Variants in HIPK2 observed in about 807,000 individuals in gnomAD.
The protein encoded by HIPK2 is homeodomain interacting protein kinase 2.
HIPK2 carries 27 observed loss-of-function variants against 113.7 expected under a neutral mutation model. That is an observed-to-expected ratio of 0.24 (90% confidence interval 0.17 to 0.33). HIPK2 has a LOEUF of 0.33. Ranked by LOEUF, HIPK2 falls within the 10% of genes least tolerant of loss-of-function variation. The pLI is 1.00. For missense variants in HIPK2, 1,257 were observed against 1,588.0 expected, an observed-to-expected ratio of 0.79 and a Z score of 3.54; for synonymous variants, 631 against 642.2, an observed-to-expected ratio of 0.98 and a Z score of 0.26.
chr7:139,666,413 C>G (rs995650683), intron 2 of HIPK2, among the ~76,000 whole-genome samples: 3 of 152,188 alleles, frequency 2.0e-5, no homozygotes, highest in Admixed American at 1.3e-4. Context: ...CAAGGGTCCT[C>G]TGGTTCTTCT....
intron 2 of HIPK2, among the ~76,000 whole-genome samples, chr7:139,639,730 C>T (rs1041081946): frequency 6.6e-6 from 1 of 151,052 alleles, no homozygotes; most frequent in African/African-American, 2.5e-5. Context: ...GCCTAGCACG[C>T]AGCCTGGGCA....
At chr7:139,663,466 T>C (rs184950160) in intron 2 of HIPK2, among the ~76,000 whole-genome samples, 83 of 152,302 alleles carry the variant, frequency 5.4e-4, no homozygotes, top group Non-Finnish European at 1.1e-3. Context: ...CGTTCGGATA[T>C]GACACTATAC....
At chr7:139,742,794 G>A (rs1057022099) in intron 1 of HIPK2, among the ~76,000 whole-genome samples, 1 of 152,212 alleles carries the variant, frequency 6.6e-6, no homozygotes, top group African/African-American at 2.4e-5. Context: ...TGCACATCTA[G>A]GGGTATCTTC....
At chr7:139,754,177 G>A (rs1321218151) in intron 1 of HIPK2, among the ~76,000 whole-genome samples, 1 of 152,190 alleles carries the variant, frequency 6.6e-6, no homozygotes, top group Admixed American at 6.5e-5. Flanking sequence ...GAATGGGAGG[G>A]CTAGAAAGAG....
chr7:139,651,778 C>A (rs953667717), intron 2 of HIPK2, among the ~76,000 whole-genome samples: 31 of 152,190 alleles, frequency 2.0e-4, no homozygotes, highest in African/African-American at 7.2e-4. Context: ...TTAGAACTTA[C>A]AAGGAATGTA....
At chr7:139,761,714 T>A (rs893898578) in intron 1 of HIPK2, among the ~76,000 whole-genome samples, 4 of 152,194 alleles carry the variant, frequency 2.6e-5, no homozygotes, top group Non-Finnish European at 4.4e-5. Flanking sequence ...GATGGTGATT[T>A]CGACAAACCA....
intron 1 of HIPK2, among the ~76,000 whole-genome samples, chr7:139,738,872 C>T (rs765780112): frequency 4.9e-4 from 74 of 152,170 alleles, no homozygotes; most frequent in Non-Finnish European, 9.0e-4. Flanking sequence ...AACTCATTTC[C>T]GGGCAGGGAA....
rs1795250527 is a variant in HIPK2, at chr7:139,716,600, C to T, written c.435G>A (p.Gln145=). 2 of 1,614,004 alleles carry T rather than the reference C, an allele frequency of 1.2e-6. No individual in the cohort carries two copies. Among genetic ancestry groups the T allele is most frequent in the Middle Eastern group, 1.6e-4 (1 of 6,062 alleles). The change falls in exon 2 of 15, where the codon CAG becomes CAA. Residue 145 remains glutamine, a synonymous_variant. Coordinates refer to ENST00000406875, the MANE Select transcript of HIPK2 (RefSeq NM_022740.5). This position sits in a 1 kb window ranked among gnomAD's most constrained non-coding sequence, Gnocchi z 9.3. ...TCATGGGTGGATGCTCCTCGATGATCTGCACGCTGCTTGTGTTCTCGATCT... is the reference window on the plus strand; with the variant it reads ...TCATGGGTGGATGCTCCTCGATGATTTGCACGCTGCTTGTGTTCTCGATCT... ...SEEIENTSSV[Q]IIEEHPPMIQ...
At chr7:139,717,108 G>T in intron 1 of HIPK2, 93 bp from the exon 2 acceptor site, 1 of 1,435,466 alleles carries the variant, frequency 7.0e-7, no homozygotes, top group Non-Finnish European at 9.3e-7. Context: ...TGTGGCTTGG[G>T]CCATACAGAA....
rs913821915 is a variant in HIPK2, at chr7:139,722,239, C to G, written c.20-5224G>C. On this transcript the variant is annotated intron_variant, in intron 1 of 14. Coordinates refer to ENST00000406875, the MANE Select transcript of HIPK2 (RefSeq NM_022740.5). ...GCATATGACAAATGAAAAATAGCAC[C>G]TATAAAACTGACATTAAAATATATG... is the stretch of plus-strand genomic sequence containing the variant. Among the ~76,000 whole-genome samples, 4 of 152,118 alleles carry G rather than the reference C, an allele frequency of 2.6e-5. No homozygotes were observed. In the East Asian group the frequency reaches 7.7e-4, roughly 29 times the overall value.
intron 2 of HIPK2, among the ~76,000 whole-genome samples, chr7:139,646,881 C>CT (rs1290558234): frequency 6.6e-6 from 1 of 152,074 alleles, no homozygotes. Context: ...ACCTGAGACT[C>CT]TTGGTGGTCC....
At chr7:139,691,773 G>A (rs571767221) in intron 2 of HIPK2, among the ~76,000 whole-genome samples, 5 of 152,366 alleles carry the variant, frequency 3.3e-5, no homozygotes, top group African/African-American at 1.2e-4. Context: ...TTCCACCTGT[G>A]CAAGTGGGGA....
chr7:139,768,511 C>T (rs1484413757), intron 1 of HIPK2, among the ~76,000 whole-genome samples: 4 of 152,094 alleles, frequency 2.6e-5, no homozygotes, highest in Non-Finnish European at 4.4e-5. Flanking sequence ...TCATCATGAT[C>T]GTACTGACTT....
At chr7:139,700,863 C>T (rs1392316676) in intron 2 of HIPK2, among the ~76,000 whole-genome samples, 2 of 152,238 alleles carry the variant, frequency 1.3e-5, no homozygotes, top group African/African-American at 4.8e-5. Context: ...CAGAGCCATG[C>T]ACATAGTAGG....
chr7:139,739,032 T>G (rs758859270), intron 1 of HIPK2, among the ~76,000 whole-genome samples: 3 of 152,204 alleles, frequency 2.0e-5, no homozygotes, highest in Non-Finnish European at 4.4e-5. Context: ...AAGATAAATT[T>G]TCTGACTTCT....
intron 2 of HIPK2, among the ~76,000 whole-genome samples, chr7:139,656,502 A>G (rs959559210): frequency 6.6e-6 from 1 of 152,134 alleles, no homozygotes; most frequent in Non-Finnish European, 1.5e-5. Flanking sequence ...CCTGGGCCCG[A>G]TAACTGAAAC....
intron 10 of HIPK2, among the ~76,000 whole-genome samples, chr7:139,603,648 C>T (rs921310238): frequency 3.3e-5 from 5 of 152,158 alleles, no homozygotes; most frequent in African/African-American, 1.2e-4. Flanking sequence ...CTCCAGAGTA[C>T]CCCCGTCTCA....
At chr7:139,677,244 T>A (rs1181591330) in intron 2 of HIPK2, among the ~76,000 whole-genome samples, 1 of 93,744 alleles carries the variant, frequency 1.1e-5, no homozygotes, top group African/African-American at 4.3e-5. Context: ...TTATATATAT[T>A]ATATATATAT....
At chr7:139,700,075 C>T (rs1794665968) in intron 2 of HIPK2, among the ~76,000 whole-genome samples, 1 of 152,164 alleles carries the variant, frequency 6.6e-6, no homozygotes, top group South Asian at 2.1e-4. Context: ...GACAGGAAAA[C>T]AAATCCTCAG....
Sources: allele counts gnomAD v4.1 joint callset (sites outside exome capture counted in the v4.1 genomes callset), GRCh38; gene constraint gnomAD v4.1.1; non-coding constraint Gnocchi (gnomAD v3.1); transcripts MANE v1.5; gene names NCBI Gene and HGNC (gene_info 2026-07-23, HGNC 2026-07-21).